GNAL: variants seen among roughly 807,000 people sequenced by gnomAD.
GNAL encodes the protein G protein subunit alpha L, also known as guanine nucleotide-binding protein G(olf) subunit alpha.
Under a neutral mutation model 55.1 loss-of-function variants are expected in GNAL, and 18 were observed. The ratio of observed to expected loss-of-function variants is 0.33; its 90% CI spans 0.23 to 0.48. GNAL has a LOEUF of 0.48. GNAL is among the 20% of genes least tolerant of loss of function. The pLI, the probability that GNAL is intolerant of heterozygous loss-of-function variation, is 0.99. For missense variants in GNAL, 412 were observed against 614.1 expected, an observed-to-expected ratio of 0.67 and a Z score of 3.48; for synonymous variants, 253 against 237.0, an observed-to-expected ratio of 1.07 and a Z score of -0.62.
chr18:11,709,580 G>A (rs940805663), intron 1 of GNAL, among the ~76,000 whole-genome samples: 1 of 151,986 alleles, frequency 6.6e-6, no homozygotes, highest in Non-Finnish European at 1.5e-5. Flanking sequence ...AAATGAGATT[G>A]TTTTTTAATT....
intron 5 of GNAL, chr18:11,853,430 T>G (rs775316639): frequency 2.4e-5 from 4 of 167,134 alleles, no homozygotes; most frequent in Non-Finnish European, 4.4e-5. Flanking sequence ...GCAACTTGCT[T>G]TTGCCTTGGC....
chr18:11,885,390 C>T lies in GNAL; in HGVS notation c.*4255C>T, dbSNP rs565450425. ...ATGGTTGTTTCTTTAGAAAATTAAA[C>T]ACACACAGAGTGTAAGAGGAGAGGA... On this transcript the variant is annotated 3_prime_UTR_variant, in exon 12 of 12. Transcript: ENST00000334049. 1.0e-5 allele frequency: 4 copies of T among 395,912 alleles called. No individual in the cohort carries two copies. The Admixed American group carries it at 1.3e-4, about 13-fold the overall frequency. 24.5% of individuals were successfully genotyped at this position (395,912 alleles called of 1,614,324 possible).
At chr18:11,699,268 C>T (rs1049407754) in intron 1 of GNAL, among the ~76,000 whole-genome samples, 15 of 152,078 alleles carry the variant, frequency 9.9e-5, no homozygotes, top group African/African-American at 3.6e-4. Flanking sequence ...CATCTTGGCT[C>T]ACTGCAACTT....
intron 1 of GNAL, among the ~76,000 whole-genome samples, chr18:11,693,964 T>A (rs1056688229): frequency 4.6e-5 from 7 of 151,104 alleles, no homozygotes; most frequent in Non-Finnish European, 8.8e-5. Flanking sequence ...GCAATCTTCC[T>A]GCCTCAGCCC....
chr18:11,883,474 T>C lies in GNAL; in HGVS notation c.*2339T>C, dbSNP rs1422044112. 1 of 153,570 alleles carries C rather than the reference T, an allele frequency of 6.5e-6. No individual in the cohort carries two copies. The highest frequency in any genetic ancestry group is 1.9e-4 in the East Asian group (1 of 5,202). 9.5% of individuals were successfully genotyped at this position (153,570 alleles called of 1,614,324 possible). Reference sequence around the variant, plus strand: ...GAAAAAAAACAAAAAGAATAACTTTTATCTGGCTTACAATTATTAAAGCAT... The same window carrying C: ...GAAAAAAAACAAAAAGAATAACTTTCATCTGGCTTACAATTATTAAAGCAT... On this transcript the variant is annotated 3_prime_UTR_variant, in exon 12 of 12. Coordinates refer to ENST00000334049, the MANE Select transcript of GNAL (RefSeq NM_182978.4).
chr18:11,754,186 G>A (rs1004192629), intron 4 of GNAL, among the ~76,000 whole-genome samples: 1 of 152,100 alleles, frequency 6.6e-6, no homozygotes, highest in Non-Finnish European at 1.5e-5. Context: ...AGGCCGAGGC[G>A]GGCAGATTGC....
At chr18:11,859,768 C>T (rs1211919615) in intron 5 of GNAL, among the ~76,000 whole-genome samples, 2 of 150,650 alleles carry the variant, frequency 1.3e-5, no homozygotes, top group South Asian at 2.1e-4. Context: ...TTTTTTGAGA[C>T]GGAGTCTCAC....
intron 1 of GNAL, among the ~76,000 whole-genome samples, chr18:11,719,592 A>C (rs1184595977): frequency 2.0e-5 from 3 of 152,246 alleles, no homozygotes; most frequent in African/African-American, 7.2e-5. Flanking sequence ...TATCTAAGTC[A>C]TGCAATCTGT....
intron 1 of GNAL, among the ~76,000 whole-genome samples, chr18:11,705,036 A>G (rs1383628468): frequency 6.6e-6 from 1 of 152,142 alleles, no homozygotes; most frequent in Non-Finnish European, 1.5e-5. Context: ...TATGGGGACA[A>G]CGTTGTACAG....
At chr18:11,865,738 G>A (rs866792939) in intron 7 of GNAL, among the ~76,000 whole-genome samples, 16 of 130,900 alleles carry the variant, frequency 1.2e-4, no homozygotes, top group Middle Eastern at 4.0e-3. Context: ...CTGGGTGACA[G>A]AGTAAGACCC....
intron 4 of GNAL, among the ~76,000 whole-genome samples, chr18:11,768,620 C>T (rs962928918): frequency 2.0e-5 from 3 of 147,400 alleles, no homozygotes; most frequent in Non-Finnish European, 3.0e-5. Flanking sequence ...AAAGGCCAGG[C>T]GCAGTGGCTC....
intron 4 of GNAL, among the ~76,000 whole-genome samples, chr18:11,767,526 G>A (rs1351272000): frequency 6.7e-6 from 1 of 149,852 alleles, no homozygotes; most frequent in African/African-American, 2.5e-5. Flanking sequence ...ACACTTGCAT[G>A]CTGTACTCTG....
At chr18:11,849,283 A>C (rs1033636356) in intron 5 of GNAL, among the ~76,000 whole-genome samples, 1 of 152,206 alleles carries the variant, frequency 6.6e-6, no homozygotes, top group Non-Finnish European at 1.5e-5. Flanking sequence ...GGGCAGATCA[A>C]CTGAGGTCAG....
At chr18:11,691,601 G>C (rs555261626) in intron 1 of GNAL, among the ~76,000 whole-genome samples, 1 of 150,694 alleles carries the variant, frequency 6.6e-6, no homozygotes, top group Non-Finnish European at 1.5e-5. Flanking sequence ...TAGGTCTAAC[G>C]TTTAAGTCTT....
intron 5 of GNAL, among the ~76,000 whole-genome samples, chr18:11,833,322 G>A (rs2035429678): frequency 6.6e-6 from 1 of 152,124 alleles, no homozygotes; most frequent in Non-Finnish European, 1.5e-5. Context: ...GAACCACTGT[G>A]CCCCGCCTCT....
chr18:11,703,015 A>G (rs529897868), intron 1 of GNAL, among the ~76,000 whole-genome samples: 6 of 152,222 alleles, frequency 3.9e-5, no homozygotes, highest in Non-Finnish European at 7.4e-5. Context: ...CTAGTCGGGA[A>G]GCTGAGGCAG....
At chr18:11,810,445 G>C (rs186110303) in intron 4 of GNAL, 4 of 152,408 alleles carry the variant, frequency 2.6e-5, no homozygotes, top group Admixed American at 2.0e-4. Flanking sequence ...TAATTTTATG[G>C]TGTTGGGTGC....
intron 5 of GNAL, among the ~76,000 whole-genome samples, chr18:11,849,501 CAAAAAAAAAAA>C (rs71172025): frequency 7.7e-6 from 1 of 130,478 alleles, no homozygotes; most frequent in Non-Finnish European, 1.6e-5. Flanking sequence ...GATTTCATCT[CAAAAAAAAAAA>C]AAAAAAAAAG....
In GNAL at chr18:11,752,315, A is replaced by AC; in HGVS notation, c.377-536dup. ...AATCGGAAAACACCGAAGAGACCAGACCATCTCTTTCAGCAGCAGGAAAGA... is the reference window on the plus strand; with the variant it reads ...AATCGGAAAACACCGAAGAGACCAGACCCATCTCTTTCAGCAGCAGGAAAGA... On this transcript the variant is annotated intron_variant, in intron 1 of 11. Coordinates refer to ENST00000334049, the MANE Select transcript of GNAL (RefSeq NM_182978.4). This position sits in a 1 kb window ranked among gnomAD's most constrained non-coding sequence, Gnocchi z 4.5. The AC allele has an allele frequency of 6.8e-7, 1 of 1,474,458 alleles. No homozygotes were observed. The highest frequency in any genetic ancestry group is 2.6e-5 in the Admixed American group (1 of 38,208). 91.3% of individuals were successfully genotyped at this position (1,474,458 alleles called of 1,614,324 possible).
Sources: gnomAD v4.1 joint callset for allele counts (sites outside exome capture counted in the v4.1 genomes callset) on GRCh38, gnomAD v4.1.1 for gene constraint, Gnocchi (gnomAD v3.1) non-coding constraint, MANE v1.5 for transcripts, NCBI Gene and HGNC (gene_info 2026-07-23, HGNC 2026-07-21) for gene names.